Variants in RBFOX1 observed in about 807,000 individuals in gnomAD.
RBFOX1 encodes RNA binding fox-1 homolog 1, also known as RNA binding protein fox-1 homolog 1.
A neutral mutation model predicts 57.7 loss-of-function variants in RBFOX1; 8 were observed. The observed-to-expected ratio is 0.14, with a 90% CI of 0.08 to 0.25. The LOEUF (loss-of-function observed/expected upper bound fraction) is 0.25, where lower values mean the gene tolerates loss of function less well. Ranked by LOEUF, RBFOX1 falls within the 10% of genes least tolerant of loss-of-function variation. The pLI is 1.00. For missense variants in RBFOX1, 611 were observed against 548.5 expected (o/e 1.11, Z -1.14); for synonymous variants, 326 against 222.4 (o/e 1.47, Z -4.15).
At chr16:5,599,004 A>G (rs1472434681) in exon 3 of RBFOX1, 1 of 1,454,384 alleles carries the variant, frequency 6.9e-7, no homozygotes, top group Non-Finnish European at 9.3e-7. Flanking sequence ...TTTTGAAACT[A>G]CTTTTGCATC....
At chr16:5,262,138 GT>G (rs2062751035) in intron 1 of RBFOX1, among the ~76,000 whole-genome samples, 1 of 152,340 alleles carries the variant, frequency 6.6e-6, no homozygotes, top group Non-Finnish European at 1.5e-5. Context: ...GGAAGGCTTA[GT>G]TAAGAGGTAA....
intron 3 of RBFOX1, among the ~76,000 whole-genome samples, chr16:6,801,575 T>A (rs563580951): frequency 6.6e-6 from 1 of 151,890 alleles, no homozygotes; most frequent in Admixed American, 6.6e-5. Context: ...AAGCCCATAA[T>A]TGGGGTGGAG....
At chr16:7,372,386 C>G (rs1341190964) in intron 4 of RBFOX1, among the ~76,000 whole-genome samples, 1 of 152,164 alleles carries the variant, frequency 6.6e-6, no homozygotes, top group Non-Finnish European at 1.5e-5. Flanking sequence ...TGATACTTGC[C>G]TTGGTAATAG....
At chr16:5,541,094 C>G (rs920236039) in intron 2 of RBFOX1, among the ~76,000 whole-genome samples, 1 of 152,146 alleles carries the variant, frequency 6.6e-6, no homozygotes, top group African/African-American at 2.4e-5. Context: ...AAGTGATCCA[C>G]CTGCCTGGGC....
intron 4 of RBFOX1, among the ~76,000 whole-genome samples, chr16:7,058,598 ATG>A (rs1171323669): frequency 6.6e-6 from 1 of 151,900 alleles, no homozygotes; most frequent in Non-Finnish European, 1.5e-5. Flanking sequence ...GTGCATGCGC[ATG>A]TGTCTTCGTG....
At chr16:7,520,610 T>G (rs1392282240) in intron 5 of RBFOX1, among the ~76,000 whole-genome samples, 1 of 152,244 alleles carries the variant, frequency 6.6e-6, no homozygotes, top group East Asian at 1.9e-4. Flanking sequence ...CTCCACATTC[T>G]GGTTCTTCTG....
rs373428345 is a variant in RBFOX1 at position 6,637,379 on chromosome 16, ACAAATATATATTATATAT to A, written c.-63-17223_-63-17206del. On this transcript the variant is annotated intron_variant, in intron 2 of 15. Transcript: ENST00000550418. ...ATTAAATATATATAATATATAATAT[ACAAATATATATTATATAT>A]TAAATATATATATTATATAATATAT... Among the ~76,000 whole-genome samples the A allele has an allele frequency of 2.1e-3, 37 of 17,822 alleles. 6 individuals carry two copies. The highest frequency in any genetic ancestry group is 0.012 in the East Asian group (4 of 322). The allele number at this position is 17,822 out of a possible 152,430, so 11.7% of individuals were successfully genotyped here.
intron 4 of RBFOX1, among the ~76,000 whole-genome samples, chr16:7,467,431 G>C (rs954201272): frequency 5.9e-5 from 9 of 152,114 alleles, no homozygotes; most frequent in Non-Finnish European, 1.2e-4. Context: ...ACATTGGGAT[G>C]TAACAACCAC....
At chr16:6,787,714 A>G (rs184710635) in intron 3 of RBFOX1, among the ~76,000 whole-genome samples, 2 of 152,322 alleles carry the variant, frequency 1.3e-5, no homozygotes, top group East Asian at 1.9e-4. Context: ...TGATTACTCT[A>G]AACCAAGCTG....
chr16:6,091,024 G>A (rs574657584), intron 1 of RBFOX1, among the ~76,000 whole-genome samples: 4 of 152,266 alleles, frequency 2.6e-5, no homozygotes, highest in South Asian at 2.1e-4. Context: ...GATATTCATC[G>A]CTTTGAACAT....
chr16:6,267,188 A>G (rs1432361228), intron 1 of RBFOX1, among the ~76,000 whole-genome samples: 1 of 152,122 alleles, frequency 6.6e-6, no homozygotes, highest in African/African-American at 2.4e-5. Context: ...AAAAAGGGGG[A>G]AAAAAATCTG....
intron 3 of RBFOX1, among the ~76,000 whole-genome samples, chr16:6,857,743 G>A (rs79948627): frequency 1.3e-5 from 2 of 152,172 alleles, no homozygotes; most frequent in Non-Finnish European, 2.9e-5. Flanking sequence ...GGAGAGGCAG[G>A]GAGAGCAGTG....
At chr16:5,361,851 G>C (rs2065560927) in intron 1 of RBFOX1, among the ~76,000 whole-genome samples, 1 of 152,208 alleles carries the variant, frequency 6.6e-6, no homozygotes, top group Admixed American at 6.5e-5. Context: ...TCTGAGGCTA[G>C]CCTATGGGCC....
intron 4 of RBFOX1, among the ~76,000 whole-genome samples, chr16:7,213,270 G>A (rs931197018): frequency 6.6e-6 from 1 of 152,150 alleles, no homozygotes; most frequent in African/African-American, 2.4e-5. Context: ...TCCCCATTCT[G>A]GCTGCAACAC....
At chr16:5,251,213 C>G (rs1304758573) in intron 1 of RBFOX1, among the ~76,000 whole-genome samples, 1 of 152,206 alleles carries the variant, frequency 6.6e-6, no homozygotes, top group Admixed American at 6.5e-5. Context: ...CTCAAACATT[C>G]CTGGCAATGT....
rs570074437 is a variant in RBFOX1, at chr16:5,474,887, A to G, written c.258+7633A>G. Reference sequence around the variant, plus strand: ...TTTGACTCACAAAGGCTATTTATTGACTAGCATTGGCTATGGATTGAACCT... The same window carrying G: ...TTTGACTCACAAAGGCTATTTATTGGCTAGCATTGGCTATGGATTGAACCT... On this transcript the variant is annotated intron_variant, in intron 2 of 2. Transcript: ENST00000585867. 3.9e-5 allele frequency among the ~76,000 whole-genome samples: 6 copies of G among 152,336 alleles called. No homozygotes were observed. The East Asian group carries it at 9.6e-4, about 24-fold the overall frequency.
At chr16:7,561,186 TC>T (rs1380533181) in intron 5 of RBFOX1, among the ~76,000 whole-genome samples, 2 of 152,200 alleles carry the variant, frequency 1.3e-5, no homozygotes, top group Non-Finnish European at 2.9e-5. Flanking sequence ...TCAGACCAAA[TC>T]CAGCCCACTG....
At chr16:6,157,482 C>T (rs1888194918) in intron 1 of RBFOX1, among the ~76,000 whole-genome samples, 1 of 152,172 alleles carries the variant, frequency 6.6e-6, no homozygotes. Flanking sequence ...GCTAGACTTT[C>T]TGTATTTTTA....
In RBFOX1 at chr16:6,743,866, C is replaced by G. The variant is rs548700310; in HGVS notation, c.-16+89216C>G. Among the ~76,000 whole-genome samples, 53 of 125,138 alleles carry G rather than the reference C, an allele frequency of 4.2e-4. 1 individual carries two copies. The highest frequency in any genetic ancestry group is 8.1e-4 in the Non-Finnish European group (47 of 57,776). The allele number at this position is 125,138 out of a possible 152,430, so 82.1% of individuals were successfully genotyped here. On this transcript the variant is annotated intron_variant, in intron 3 of 15. Coordinates refer to ENST00000550418, the MANE Select transcript of RBFOX1 (RefSeq NM_018723.4). ...TTCATTTATTTCTGATTATTTGTAA[C>G]ACATTTTCCTATACATTAATTAAGG... is the stretch of plus-strand genomic sequence containing the variant.
Sources: gnomAD v4.1 joint callset for allele counts (sites outside exome capture counted in the v4.1 genomes callset) on GRCh38, gnomAD v4.1.1 for gene constraint, MANE v1.5 for transcripts, NCBI Gene and HGNC (gene_info 2026-07-23, HGNC 2026-07-21) for gene names.